The following OPCML variants were observed in gnomAD, a reference collection of about 807,000 sequenced individuals.
The protein encoded by OPCML is opioid binding protein/cell adhesion molecule like.
A neutral mutation model predicts 37.8 loss-of-function variants in OPCML; 13 were observed. The observed-to-expected ratio is 0.34, with a 90% CI of 0.22 to 0.55. The LOEUF is 0.55. Among genes scored for constraint, OPCML ranks in the 20% least tolerant of loss-of-function variants. The probability of loss-of-function intolerance (pLI) is 0.91; values close to 1 mark genes in which losing one functional copy is unlikely to be tolerated. For missense variants in OPCML, 341 were observed against 435.6 expected (o/e 0.78, Z 1.93); for synonymous variants, 176 against 168.8 (o/e 1.04, Z -0.33).
At chr11:133,084,142 C>A (rs1415853317) in intron 1 of OPCML, among the ~76,000 whole-genome samples, 1 of 151,978 alleles carries the variant, frequency 6.6e-6, no homozygotes, top group Non-Finnish European at 1.5e-5. Context: ...GTAGGGCAGG[C>A]CTTATTGGTT....
At chr11:132,851,392 A>G (rs191047671) in intron 2 of OPCML, among the ~76,000 whole-genome samples, 1 of 152,290 alleles carries the variant, frequency 6.6e-6, no homozygotes, top group Admixed American at 6.5e-5. Context: ...AAATCTGAAG[A>G]ACCCCAGGTC....
At chr11:132,789,891 A>C in intron 2 of OPCML, among the ~76,000 whole-genome samples, 1 of 152,192 alleles carries the variant, frequency 6.6e-6, no homozygotes, top group East Asian at 1.9e-4. Flanking sequence ...CTCATCTAAC[A>C]CACCTTATGC....
intron 1 of OPCML, chr11:133,008,916 C>T (rs558228285): frequency 1.0e-6 from 1 of 985,290 alleles, no homozygotes; most frequent in Non-Finnish European, 1.2e-6. Context: ...CATAAACACA[C>T]CTGATTAAGG....
intron 2 of OPCML, among the ~76,000 whole-genome samples, chr11:132,777,345 G>T (rs572560174): frequency 1.3e-5 from 2 of 152,296 alleles, no homozygotes; most frequent in African/African-American, 4.8e-5. Flanking sequence ...CACGCACAAA[G>T]GAAGCTTCAT....
chr11:132,780,801 T>G (rs2136149350), intron 2 of OPCML, among the ~76,000 whole-genome samples: 1 of 151,224 alleles, frequency 6.6e-6, no homozygotes, highest in African/African-American at 2.4e-5. Flanking sequence ...TTTTAATAAC[T>G]AACTAGTTGC....
At chr11:132,766,195 A>G (rs1427849564) in intron 2 of OPCML, among the ~76,000 whole-genome samples, 1 of 152,132 alleles carries the variant, frequency 6.6e-6, no homozygotes, top group Non-Finnish European at 1.5e-5. Context: ...GGCATCAGGG[A>G]AAAAAAGCCA....
At chr11:132,440,334 G>GTTTT (rs531730416) in intron 4 of OPCML, among the ~76,000 whole-genome samples, 1 of 146,290 alleles carries the variant, frequency 6.8e-6, no homozygotes, top group African/African-American at 2.5e-5. Flanking sequence ...ATTCTTTAGA[G>GTTTT]TTTTTTTTTT....
At chr11:132,993,396 C>T (rs1286310476) in intron 1 of OPCML, among the ~76,000 whole-genome samples, 1 of 152,162 alleles carries the variant, frequency 6.6e-6, no homozygotes, top group Non-Finnish European at 1.5e-5. Context: ...GTGTCCTTTT[C>T]CATCTGGTTG....
chr11:132,924,693 T>C (rs1240126901), intron 2 of OPCML, among the ~76,000 whole-genome samples: 1 of 152,228 alleles, frequency 6.6e-6, no homozygotes, highest in Non-Finnish European at 1.5e-5. Context: ...GCATTTGACA[T>C]TCTTCAGTTT....
chr11:133,231,304 T>TG (rs1480992211), intron 1 of OPCML, among the ~76,000 whole-genome samples: 1 of 152,242 alleles, frequency 6.6e-6, no homozygotes, highest in African/African-American at 2.4e-5. Context: ...TGTAGCAGCA[T>TG]GGGGAAAAGA....
intron 3 of OPCML, among the ~76,000 whole-genome samples, chr11:132,604,372 G>T (rs1051500797): frequency 2.6e-5 from 4 of 151,874 alleles, no homozygotes; most frequent in African/African-American, 9.7e-5. Context: ...ACCCTAACAG[G>T]CCCCTGAGCT....
intron 2 of OPCML, among the ~76,000 whole-genome samples, chr11:132,731,608 T>C (rs1945078123): frequency 6.6e-6 from 1 of 152,206 alleles, no homozygotes; most frequent in Admixed American, 6.5e-5. Flanking sequence ...TTATGGGTCT[T>C]CATGTTAGGC....
intron 3 of OPCML, among the ~76,000 whole-genome samples, chr11:132,545,720 A>G (rs2096367227): frequency 6.6e-6 from 1 of 152,224 alleles, no homozygotes; most frequent in African/African-American, 2.4e-5. Flanking sequence ...GTAGCAGAGT[A>G]TATATACTGT....
At chr11:133,272,956 C>A (rs921180910) in intron 1 of OPCML, among the ~76,000 whole-genome samples, 4 of 152,160 alleles carry the variant, frequency 2.6e-5, no homozygotes, top group African/African-American at 7.2e-5. Context: ...ATCAAAATTT[C>A]TCTTTGCTCT....
At chr11:133,077,848 T>C (rs1407011232) in intron 1 of OPCML, among the ~76,000 whole-genome samples, 1 of 152,010 alleles carries the variant, frequency 6.6e-6, no homozygotes, top group African/African-American at 2.4e-5. Flanking sequence ...AAAAAAATAC[T>C]CAGATAAATA....
intron 1 of OPCML, among the ~76,000 whole-genome samples, chr11:133,030,903 A>C (rs1487173647): frequency 2.6e-5 from 4 of 152,038 alleles, no homozygotes; most frequent in Non-Finnish European, 5.9e-5. Context: ...TTTCCAAAGA[A>C]GGCATTATAA....
At chr11:133,319,620 C>G (rs1943282855) in intron 1 of OPCML, among the ~76,000 whole-genome samples, 1 of 152,208 alleles carries the variant, frequency 6.6e-6, no homozygotes, top group Non-Finnish European at 1.5e-5. Flanking sequence ...GTTTTGCTTT[C>G]TCTCCTCTCG....
intron 1 of OPCML, among the ~76,000 whole-genome samples, chr11:133,034,495 T>C (rs983614692): frequency 6.6e-6 from 1 of 152,204 alleles, no homozygotes; most frequent in African/African-American, 2.4e-5. Context: ...GCGTGCAGCA[T>C]TTTTAAAGCA....
chr11:133,197,489 A>G (rs912110271), intron 1 of OPCML, among the ~76,000 whole-genome samples: 2 of 152,196 alleles, frequency 1.3e-5, no homozygotes, highest in African/African-American at 2.4e-5. Flanking sequence ...TAAGCCTGCT[A>G]GTGTGGACTC....
Sources: gnomAD v4.1 joint callset for allele counts (sites outside exome capture counted in the v4.1 genomes callset) on GRCh38, gnomAD v4.1.1 for gene constraint, MANE v1.5 for transcripts, NCBI Gene and HGNC (gene_info 2026-07-23, HGNC 2026-07-21) for gene names.